The following MGAM2 variants were observed in gnomAD, a reference collection of about 807,000 sequenced individuals.
MGAM2 encodes the protein probable maltase-glucoamylase 2.
A neutral mutation model predicts 96.1 loss-of-function variants in MGAM2; 98 were observed. The ratio of observed to expected loss-of-function variants is 1.02; its 90% CI spans 0.87 to 1.21. The LOEUF (loss-of-function observed/expected upper bound fraction) is 1.21, where lower values mean the gene tolerates loss of function less well. Ranked by LOEUF, MGAM2 falls within the 50% of genes most tolerant of loss-of-function variation. The pLI, the probability that MGAM2 is intolerant of heterozygous loss-of-function variation, is 0.00. For missense variants in MGAM2, 2,055 were observed against 1,182.4 expected (o/e 1.74, Z -10.82); for synonymous variants, 749 against 414.8 (o/e 1.81, Z -9.79).
chr7:142,174,087 T>C (rs988594816), intron 31 of MGAM2, among the ~76,000 whole-genome samples: 1 of 152,234 alleles, frequency 6.6e-6, no homozygotes, highest in Non-Finnish European at 1.5e-5. Context: ...TGTAGCCCTG[T>C]AGCATAGTTT....
At chr7:142,184,163 G>T (rs1796627253) in intron 33 of MGAM2, among the ~76,000 whole-genome samples, 1 of 151,448 alleles carries the variant, frequency 6.6e-6, no homozygotes, top group East Asian at 1.9e-4. Flanking sequence ...AGTAGAGATG[G>T]GGTTTCACCA....
intron 3 of MGAM2, among the ~76,000 whole-genome samples, chr7:142,127,497 C>A (rs1484813394): frequency 6.6e-6 from 1 of 151,984 alleles, no homozygotes; most frequent in East Asian, 1.9e-4. Context: ...CTTAACAGTA[C>A]ACATTCCTCA....
intron 1 of MGAM2, among the ~76,000 whole-genome samples, chr7:142,113,772 G>T (rs553799869): frequency 4.6e-5 from 7 of 152,278 alleles, no homozygotes; most frequent in Admixed American, 4.6e-4. Flanking sequence ...GAGTGGTGGA[G>T]ATTACCCAAC....
chr7:142,158,183 A>G (rs1795792521), intron 18 of MGAM2, 65 bp from the exon 19 acceptor site: 7 of 700,614 alleles, frequency 1.0e-5, no homozygotes, highest in Non-Finnish European at 1.8e-5. Flanking sequence ...TCTTGTTGTT[A>G]CATAATGTGC....
At chr7:142,189,212 A>G (rs924785131) in intron 36 of MGAM2, among the ~76,000 whole-genome samples, 155 bp from the exon 37 acceptor site, 1 of 152,240 alleles carries the variant, frequency 6.6e-6, no homozygotes, top group African/African-American at 2.4e-5. Flanking sequence ...ATAAAGACAC[A>G]GAACATTGTT....
intron 19 of MGAM2, among the ~76,000 whole-genome samples, 159 bp downstream of exon 19, chr7:142,158,491 A>G (rs1265367095): frequency 6.6e-6 from 1 of 152,146 alleles, no homozygotes; most frequent in Non-Finnish European, 1.5e-5. Flanking sequence ...AAAGTAGTAA[A>G]TCTTGGTCCC....
At chr7:142,202,040 C>T (rs1451703547) in intron 45 of MGAM2, among the ~76,000 whole-genome samples, 1 of 152,106 alleles carries the variant, frequency 6.6e-6, no homozygotes, top group Non-Finnish European at 1.5e-5. Context: ...ATGTAAAAGG[C>T]ATTTTTGCTA....
At chr7:142,157,836 G>A in intron 17 of MGAM2, 101 bp from the exon 18 acceptor site, 1 of 643,248 alleles carries the variant, frequency 1.6e-6, no homozygotes, top group Non-Finnish European at 2.8e-6. Flanking sequence ...TATTCTCCAA[G>A]TTGGAGGAAG....
chr7:142,198,853 A>G (rs1359350351), intron 44 of MGAM2, 114 bp downstream of exon 44: 4 of 598,240 alleles, frequency 6.7e-6, no homozygotes, highest in Non-Finnish European at 1.2e-5. Context: ...AAATTGCCAA[A>G]CAGCTTTACT....
chr7:142,136,147 C>T (rs1177696354), intron 7 of MGAM2, among the ~76,000 whole-genome samples: 1 of 152,102 alleles, frequency 6.6e-6, no homozygotes, highest in Non-Finnish European at 1.5e-5. Context: ...GACTTAAACT[C>T]CAGAGCTTGC....
chr7:142,127,590 G>T (rs571568279), intron 3 of MGAM2, among the ~76,000 whole-genome samples: 1 of 152,134 alleles, frequency 6.6e-6, no homozygotes, highest in African/African-American at 2.4e-5. Context: ...AGTGTGTCAA[G>T]GGTGGGCCAG....
chr7:142,200,069 A>G, intron 45 of MGAM2, 101 bp downstream of exon 45: 1 of 507,454 alleles, frequency 2.0e-6, no homozygotes, highest in Non-Finnish European at 3.5e-6. Context: ...CTCTCTGCCT[A>G]TTGTCAATAA....
At position 142,167,386 on chromosome 7, in the gene MGAM2, C is replaced by T. The variant is rs922836958; in HGVS notation, c.2927C>T (p.Pro976Leu). ...ITADLSLPMAPESAAAAASDS... is the reference protein window; with the variant it reads ...ITADLSLPMALESAAAAASDS... ...GCAGACCTTTCCCTCCCGATGGCCC[C>T]TGAGTCAGCTGCTGCTGCCGCCTCT... The change falls in exon 26 of 48, where the codon CCT becomes CTT. Residue 976 changes from proline to leucine, a missense_variant. By Grantham distance (98) the Pro-to-Leu change is moderately conservative. Transcript: ENST00000477922. 4 of 702,838 alleles carry T rather than the reference C, an allele frequency of 5.7e-6. No individual in the cohort carries two copies. The African/African-American group carries it at 7.0e-5, about 12-fold the overall frequency. The allele number at this position is 702,838 out of a possible 1,614,324, so 43.5% of individuals were successfully genotyped here. A position where few individuals can be genotyped will look rare whatever the true frequency, so the allele number is the denominator to read the frequency against.
At chr7:142,115,598 C>A (rs189519912) in intron 1 of MGAM2, among the ~76,000 whole-genome samples, 1 of 152,284 alleles carries the variant, frequency 6.6e-6, no homozygotes, top group Admixed American at 6.5e-5. Context: ...GTAATCCCAG[C>A]ACTTTGGGAG....
rs1449211512 is a variant in MGAM2, at chr7:142,219,886, T to C, written c.5375T>C (p.Leu1792Ser). Residue 1792 changes from leucine to serine, a missense_variant, in exon 48 of 48, where the codon TTG (leucine) becomes TCG (serine). Leu to Ser is a moderately radical substitution (Grantham distance 145, BLOSUM62 -2). Transcript: ENST00000477922. ...TTCTGGCAGATACTAACTATTCAAT[T>C]GACTGACAAGACTATCAACCTGGAA... is the stretch of plus-strand genomic sequence containing the variant. ...EPYNQILTIQ[L>S]TDKTINLEKL... 8 of 700,832 alleles carry C rather than the reference T, an allele frequency of 1.1e-5. No individual in the cohort carries two copies. Among genetic ancestry groups the C allele is most frequent in the African/African-American group, 7.0e-5 (4 of 57,210 alleles). 43.4% of individuals were successfully genotyped at this position (700,832 alleles called of 1,614,324 possible).
In MGAM2 at chr7:142,210,396, C is replaced by T. The variant is rs140810017; in HGVS notation, c.5187+1774C>T. ...CAGGGAGCCGAGTGCCCTTGCTCAG[C>T]GGATCCCAACCCCACAGAGCCCAGC... On this transcript the variant is annotated intron_variant, in intron 46 of 47. Coordinates refer to ENST00000477922, the MANE Select transcript of MGAM2 (RefSeq NM_001293626.2). Among the ~76,000 whole-genome samples, 1,397 of 152,188 alleles carry T rather than the reference C, an allele frequency of 9.2e-3. 14 individuals are homozygous for T. The highest frequency in any genetic ancestry group is 0.017 in the Middle Eastern group (5 of 294).
intron 15 of MGAM2, among the ~76,000 whole-genome samples, chr7:142,151,636 A>G (rs933916539): frequency 2.0e-5 from 3 of 152,234 alleles, no homozygotes; most frequent in African/African-American, 7.2e-5. Flanking sequence ...AGAGTAAGAA[A>G]GGGTTGGAGG....
Position 142,157,934 on chromosome 7 carries a change from T to C in MGAM2, c.1924-3T>C. Reference sequence around the variant, plus strand: ...TTCAGCCATTCCTTCCATTTTCTCCTAGGACCAGGATCCCGCTGCCTTTGG... The same window carrying C: ...TTCAGCCATTCCTTCCATTTTCTCCCAGGACCAGGATCCCGCTGCCTTTGG... On this transcript the variant is annotated splice_polypyrimidine_tract_variant and splice_region_variant and intron_variant, in intron 17 of 47. Transcript: ENST00000477922. 4 of 702,750 alleles carry C rather than the reference T, an allele frequency of 5.7e-6. No homozygotes were observed. Among genetic ancestry groups the C allele is most frequent in the Non-Finnish European group, 7.8e-6 (3 of 384,876 alleles). 43.5% of individuals were successfully genotyped at this position (702,750 alleles called of 1,614,324 possible).
chr7:142,154,336 C>A (rs889930220), intron 16 of MGAM2, 147 bp downstream of exon 16: 25 of 477,414 alleles, frequency 5.2e-5, no homozygotes, highest in Non-Finnish European at 8.6e-5. Context: ...GTTACGTGAG[C>A]TGCCTTCTGA....
Sources: gnomAD v4.1 joint callset for allele counts (sites outside exome capture counted in the v4.1 genomes callset) on GRCh38, gnomAD v4.1.1 for gene constraint, MANE v1.5 for transcripts, NCBI Gene and HGNC (gene_info 2026-07-23, HGNC 2026-07-21) for gene names.